The following SMPDL3A variants were observed in gnomAD, a reference collection of about 807,000 sequenced individuals.
SMPDL3A encodes the protein cyclic GMP-AMP phosphodiesterase SMPDL3A.
In SMPDL3A, 39 loss-of-function variants were observed where a neutral mutation model predicts 38.5. The ratio of observed to expected loss-of-function variants is 1.01; its 90% CI spans 0.78 to 1.32. The LOEUF (loss-of-function observed/expected upper bound fraction) is 1.32. Ranked by LOEUF, SMPDL3A falls within the 40% of genes most tolerant of loss-of-function variation. The probability of loss-of-function intolerance (pLI) is 0.00; values close to 1 mark genes in which losing one functional copy is unlikely to be tolerated. For missense variants in SMPDL3A, 502 were observed against 536.2 expected, an observed-to-expected ratio of 0.94 and a Z score of 0.63; for synonymous variants, 180 against 194.3, an observed-to-expected ratio of 0.93 and a Z score of 0.61.
intron 7 of SMPDL3A, among the ~76,000 whole-genome samples, chr6:122,807,911 A>G (rs1329471668): frequency 6.6e-6 from 1 of 152,194 alleles, no homozygotes; most frequent in Non-Finnish European, 1.5e-5. Flanking sequence ...AACCTCAGAT[A>G]TATACATCCA....
intron 7 of SMPDL3A, among the ~76,000 whole-genome samples, chr6:122,808,462 C>G (rs1243747386): frequency 6.6e-6 from 1 of 152,164 alleles, no homozygotes; most frequent in African/African-American, 2.4e-5. Context: ...TGATGGTTAC[C>G]TCTGAGGATG....
chr6:122,800,654 T>A (rs1374864318), intron 3 of SMPDL3A, among the ~76,000 whole-genome samples: 1 of 152,234 alleles, frequency 6.6e-6, no homozygotes, highest in Non-Finnish European at 1.5e-5. Flanking sequence ...TTTGATGCCC[T>A]TTTGTTAAGT....
rs1582540069 is a variant in SMPDL3A, at chr6:122,795,737, A to G, written c.173A>G (p.His58Arg). The G allele has an allele frequency of 6.2e-7, 1 of 1,614,182 alleles. No individual in the cohort carries two copies. Among genetic ancestry groups the G allele is most frequent in the Non-Finnish European group, 8.5e-7 (1 of 1,180,014 alleles). Residue 58 changes from histidine (H) to arginine (R), a missense_variant, in exon 2 of 8, where the codon CAC (histidine) becomes CGC (arginine). His to Arg is a conservative substitution (Grantham distance 29). Coordinates refer to ENST00000368440, the MANE Select transcript of SMPDL3A (RefSeq NM_006714.5). Reference sequence around the variant, plus strand: ...CCTACTTACCACATCACAGATGACCACACAAAAGTGTGTGCTTCATCTAAA... The same window carrying G: ...CCTACTTACCACATCACAGATGACCGCACAAAAGTGTGTGCTTCATCTAAA... ...LDPTYHITDD[H>R]TKVCASSKGA...
chr6:122,809,099 G>C lies in SMPDL3A; in HGVS notation c.1053G>C (p.Leu351Phe), dbSNP rs1381106306. ...DPRDYKLLDM[L>F]QYYLNLTEAN... is the part of the protein sequence containing the mutation. ...ACTGTTCTTAACTGCAGGATATGTT[G>C]CAGTATTACTTGAATCTGACAGAGG... Residue 351 changes from leucine to phenylalanine, a missense_variant, in exon 8 of 8, where the codon TTG (leucine) becomes TTC (phenylalanine). Leu to Phe is a conservative substitution (Grantham distance 22). Transcript: ENST00000368440. The C allele has an allele frequency of 6.2e-7, 1 of 1,613,426 alleles. No homozygotes were observed. Among genetic ancestry groups the C allele is most frequent in the Non-Finnish European group, 8.5e-7 (1 of 1,179,436 alleles).
intron 6 of SMPDL3A, 61 bp from the exon 7 acceptor site, chr6:122,806,171 AT>A (rs1781608129): frequency 7.1e-6 from 10 of 1,417,366 alleles, no homozygotes; most frequent in African/African-American, 1.4e-5. Flanking sequence ...GAAACTTTAT[AT>A]TTTTAATATA....
chr6:122,800,474 C>T (rs137897526), intron 3 of SMPDL3A, among the ~76,000 whole-genome samples: 71 of 152,344 alleles, frequency 4.7e-4, no homozygotes, highest in African/African-American at 1.6e-3. Flanking sequence ...TGTGCAGGCT[C>T]AAACCTGCCT....
intron 4 of SMPDL3A, among the ~76,000 whole-genome samples, chr6:122,802,862 C>T (rs1025179681): frequency 4.6e-5 from 7 of 151,400 alleles, no homozygotes; most frequent in African/African-American, 1.7e-4. Context: ...TCCCAGAGGC[C>T]CTAGTGAGAC....
intron 3 of SMPDL3A, among the ~76,000 whole-genome samples, chr6:122,800,152 A>C (rs1562351577): frequency 6.6e-6 from 1 of 151,886 alleles, no homozygotes; most frequent in Non-Finnish European, 1.5e-5. Flanking sequence ...TAACTTTCTT[A>C]AAGTTTTGTT....
chr6:122,793,415 G>C (rs191039103), intron 1 of SMPDL3A, among the ~76,000 whole-genome samples: 36 of 152,264 alleles, frequency 2.4e-4, no homozygotes, highest in African/African-American at 8.2e-4. Flanking sequence ...TCTTAACCAC[G>C]ACACTGTATT....
chr6:122,789,594 G>C, intron 1 of SMPDL3A, 136 bp downstream of exon 1: 1 of 867,180 alleles, frequency 1.2e-6, no homozygotes, highest in South Asian at 1.6e-5. Context: ...TGACGCGTCC[G>C]GCGTTGACCA....
chr6:122,803,205 A>G (rs1781483143), intron 4 of SMPDL3A, among the ~76,000 whole-genome samples: 2 of 152,152 alleles, frequency 1.3e-5, no homozygotes, highest in Non-Finnish European at 2.9e-5. Context: ...CTCCCCTGAG[A>G]TTGTAGCAGC....
intron 5 of SMPDL3A, 147 bp from the exon 6 acceptor site, chr6:122,804,760 ATC>A (rs1481167527): frequency 3.1e-6 from 2 of 646,140 alleles, no homozygotes; most frequent in Non-Finnish European, 2.6e-6. Flanking sequence ...TTATAATTTC[ATC>A]TCTTTTTCTT....
rs765892914 is a variant in SMPDL3A at position 122,809,126 on chromosome 6, G to A, written c.1080G>A (p.Ala360=). 16 of 1,613,996 alleles carry A rather than the reference G, an allele frequency of 9.9e-6. No homozygotes were observed. The highest frequency in any genetic ancestry group is 6.7e-5 in the Admixed American group (4 of 59,992). The part of the protein sequence containing the change: ...MLQYYLNLTE[A]NLKGESIWKL... Reference sequence around the variant, plus strand: ...AGTATTACTTGAATCTGACAGAGGCGAATCTAAAGGGAGAGTCCATCTGGA... The same window carrying A: ...AGTATTACTTGAATCTGACAGAGGCAAATCTAAAGGGAGAGTCCATCTGGA... The change falls in exon 8 of 8, where the codon GCG becomes GCA. Residue 360 remains alanine (A), a synonymous_variant. Coordinates refer to ENST00000368440, the MANE Select transcript of SMPDL3A (RefSeq NM_006714.5).
At chr6:122,792,665 T>A (rs1428770106) in intron 1 of SMPDL3A, among the ~76,000 whole-genome samples, 2 of 148,044 alleles carry the variant, frequency 1.4e-5, no homozygotes, top group African/African-American at 5.0e-5. Context: ...AGAGACAGGG[T>A]CTCTGTCACC....
At chr6:122,803,102 G>A (rs1781478764) in intron 4 of SMPDL3A, among the ~76,000 whole-genome samples, 1 of 152,172 alleles carries the variant, frequency 6.6e-6, no homozygotes, top group Non-Finnish European at 1.5e-5. Flanking sequence ...AGATCTTAGT[G>A]CCCAGCTCTG....
Position 122,809,528 on chromosome 6 carries a change from CTTT to C in SMPDL3A, c.*129_*131del. ...CAAGTAGACTTCCTGTCTTTGCTTTCTTTTTTTTTTTCTTTTTGATGCCTTAAT... is the reference window on the plus strand; with the variant it reads ...CAAGTAGACTTCCTGTCTTTGCTTTCTTTTTTTTCTTTTTGATGCCTTAAT... On this transcript the variant is annotated 3_prime_UTR_variant, in exon 8 of 8. Transcript: ENST00000368440. The C allele has an allele frequency of 1.9e-6, 1 of 527,570 alleles. No homozygotes were observed. The highest frequency in any genetic ancestry group is 3.2e-6 in the Non-Finnish European group (1 of 310,924). 32.7% of individuals were successfully genotyped at this position (527,570 alleles called of 1,614,324 possible).
chr6:122,798,290 G>C (rs1182646384), intron 3 of SMPDL3A, among the ~76,000 whole-genome samples: 2 of 152,142 alleles, frequency 1.3e-5, no homozygotes, highest in African/African-American at 2.4e-5. Flanking sequence ...TGATATGTTA[G>C]ACCACACAGT....
chr6:122,795,206 A>G (rs577531756), intron 1 of SMPDL3A, among the ~76,000 whole-genome samples: 17 of 152,190 alleles, frequency 1.1e-4, no homozygotes, highest in Admixed American at 3.9e-4. Flanking sequence ...CAGTGGCACG[A>G]TCTCAGCTTA....
At chr6:122,791,300 C>G (rs898816310) in intron 1 of SMPDL3A, among the ~76,000 whole-genome samples, 1 of 152,178 alleles carries the variant, frequency 6.6e-6, no homozygotes, top group Admixed American at 6.5e-5. Context: ...CTGGGACTGG[C>G]TTGTGTATTG....
Sources: gnomAD v4.1 joint callset for allele counts (sites outside exome capture counted in the v4.1 genomes callset) on GRCh38, gnomAD v4.1.1 for gene constraint, MANE v1.5 for transcripts, NCBI Gene and HGNC (gene_info 2026-07-23, HGNC 2026-07-21) for gene names.